Variants in SLC5A4 observed in about 807,000 individuals in gnomAD.
The protein encoded by SLC5A4 is solute carrier family 5 member 4, also known as probable glucose sensor protein SLC5A4.
A neutral mutation model predicts 70.3 loss-of-function variants in SLC5A4; 55 were observed. That is an observed-to-expected ratio of 0.78 (90% CI 0.63 to 0.98). The LOEUF (loss-of-function observed/expected upper bound fraction) is 0.98, where lower values mean the gene tolerates loss of function less well. Ranked by LOEUF, SLC5A4 falls within the 50% of genes least tolerant of loss-of-function variation. The pLI, the probability that SLC5A4 is intolerant of heterozygous loss-of-function variation, is 0.00. For synonymous variants in SLC5A4, 268 were observed against 305.7 expected (o/e 0.88, Z 1.29); for missense variants, 735 against 839.2 (o/e 0.88, Z 1.53).
chr22:32,276,734 T>G, the SLC5A4 span: 3 of 152,188 alleles, frequency 2.0e-5, no homozygotes, highest in African/African-American at 7.2e-5. Context: ...ACAGGTGGAC[T>G]ACGTTTTGTA....
At chr22:32,221,719 T>C (rs1435188471) in intron 13 of SLC5A4, among the ~76,000 whole-genome samples, 1 of 152,170 alleles carries the variant, frequency 6.6e-6, no homozygotes, top group African/African-American at 2.4e-5. Context: ...TCTAAGGAAA[T>C]TGCTCCAAGT....
chr22:32,311,575 C>T, the SLC5A4 span, among the ~76,000 whole-genome samples: 9 of 152,156 alleles, frequency 5.9e-5, no homozygotes, highest in Admixed American at 1.3e-4. Context: ...CAATTCAAAG[C>T]GGGTGGATTT....
At chr22:32,283,117 A>T in the SLC5A4 span, among the ~76,000 whole-genome samples, 3 of 152,110 alleles carry the variant, frequency 2.0e-5, no homozygotes, top group Middle Eastern at 6.8e-3. Context: ...CTTCTCTAAC[A>T]TCCCCTCCTA....
chr22:32,341,760 C>T, the SLC5A4 span, among the ~76,000 whole-genome samples: 7 of 152,242 alleles, frequency 4.6e-5, no homozygotes, highest in Non-Finnish European at 1.0e-4. Flanking sequence ...TGCTAATGCA[C>T]TCTGCCTAAC....
intron 9 of SLC5A4, among the ~76,000 whole-genome samples, chr22:32,231,442 T>C (rs1436535871): frequency 2.0e-5 from 3 of 152,256 alleles, no homozygotes; most frequent in African/African-American, 7.2e-5. Flanking sequence ...AGTTAGGTCC[T>C]GTGTGCAGTC....
chr22:32,297,407 T>C, the SLC5A4 span, among the ~76,000 whole-genome samples: 1 of 151,380 alleles, frequency 6.6e-6, no homozygotes, highest in Non-Finnish European at 1.5e-5. Context: ...CAGGAATTTA[T>C]CCATTTCTTC....
chr22:32,335,291 A>G, the SLC5A4 span, among the ~76,000 whole-genome samples: 1 of 152,274 alleles, frequency 6.6e-6, no homozygotes, highest in South Asian at 2.1e-4. Flanking sequence ...CCTGGGATAC[A>G]ACGAGCCCAG....
chr22:32,339,564 T>G, the SLC5A4 span, among the ~76,000 whole-genome samples: 1 of 152,224 alleles, frequency 6.6e-6, no homozygotes, highest in Admixed American at 6.5e-5. Flanking sequence ...GTTTTTACCT[T>G]CTGTTCCGCC....
At chr22:32,229,892 C>G (rs547780331) in intron 10 of SLC5A4, among the ~76,000 whole-genome samples, 1 of 152,314 alleles carries the variant, frequency 6.6e-6, no homozygotes, top group East Asian at 1.9e-4. Flanking sequence ...AGATCATCTA[C>G]TGGAACCTAG....
the SLC5A4 span, among the ~76,000 whole-genome samples, chr22:32,282,699 G>A: frequency 6.6e-6 from 1 of 152,232 alleles, no homozygotes; most frequent in East Asian, 1.9e-4. Flanking sequence ...CATCCAACAC[G>A]TCCAACACTG....
At chr22:32,341,832 A>T in the SLC5A4 span, among the ~76,000 whole-genome samples, 1 of 151,896 alleles carries the variant, frequency 6.6e-6, no homozygotes, top group Non-Finnish European at 1.5e-5. Flanking sequence ...CCCTTTTTAC[A>T]TTTCACTCCC....
chr22:32,347,440 G>T, the SLC5A4 span, among the ~76,000 whole-genome samples: 1 of 152,050 alleles, frequency 6.6e-6, no homozygotes, highest in Non-Finnish European at 1.5e-5. Context: ...CAATAGCAAA[G>T]ACTTGGAACC....
At chr22:32,275,354 C>G in the SLC5A4 span, among the ~76,000 whole-genome samples, 6 of 152,164 alleles carry the variant, frequency 3.9e-5, no homozygotes, top group African/African-American at 1.4e-4. Context: ...AGGTATATCT[C>G]CTAATGCTAT....
At chr22:32,302,009 A>C in the SLC5A4 span, among the ~76,000 whole-genome samples, 1 of 152,198 alleles carries the variant, frequency 6.6e-6, no homozygotes, top group East Asian at 1.9e-4. Context: ...ACCTAAATGT[A>C]AGAGCTAAAA....
At chr22:32,322,252 G>A in the SLC5A4 span, among the ~76,000 whole-genome samples, 2 of 152,308 alleles carry the variant, frequency 1.3e-5, no homozygotes, top group African/African-American at 2.4e-5. Flanking sequence ...GCCCTCCTAT[G>A]TTCTTAGGTG....
At chr22:32,280,549 C>G in the SLC5A4 span, among the ~76,000 whole-genome samples, 1 of 152,160 alleles carries the variant, frequency 6.6e-6, no homozygotes, top group Non-Finnish European at 1.5e-5. Context: ...CTGCTAAGCA[C>G]GAGCTGGACT....
At chr22:32,342,837 A>T in the SLC5A4 span, among the ~76,000 whole-genome samples, 2 of 152,228 alleles carry the variant, frequency 1.3e-5, no homozygotes, top group African/African-American at 4.8e-5. Context: ...ATTCACTTCA[A>T]TTAATACAGA....
At chr22:32,237,883 TATGAGAGTGTC>T (rs1027152226) in intron 6 of SLC5A4, among the ~76,000 whole-genome samples, 1 of 151,838 alleles carries the variant, frequency 6.6e-6, no homozygotes, top group Non-Finnish European at 1.5e-5. Flanking sequence ...ATATTCCCTT[TATGAGAGTGTC>T]ATGAGAAAAT....
At chr22:32,239,562 A>ATATATATT (rs1569374919) in intron 5 of SLC5A4, among the ~76,000 whole-genome samples, 17 of 20,500 alleles carry the variant, frequency 8.3e-4, no homozygotes, top group Non-Finnish European at 1.4e-3. Context: ...ATATATATAT[A>ATATATATT]TATATATTTA....
Sources: gnomAD v4.1 joint callset for allele counts (sites outside exome capture counted in the v4.1 genomes callset) on GRCh38, gnomAD v4.1.1 for gene constraint, MANE v1.5 for transcripts, NCBI Gene and HGNC (gene_info 2026-07-23, HGNC 2026-07-21) for gene names.